Variants in IGSF11 observed in about 807,000 individuals in gnomAD.
IGSF11 encodes immunoglobulin superfamily member 11.
IGSF11 carries 22 observed loss-of-function variants against 41.0 expected under a neutral mutation model. That is an observed-to-expected ratio of 0.54 (90% CI 0.38 to 0.77). The LOEUF (loss-of-function observed/expected upper bound fraction) is 0.77, where lower values mean the gene tolerates loss of function less well. Among genes scored for constraint, IGSF11 ranks in the 30% least tolerant of loss-of-function variants. IGSF11 has a pLI of 0.00. For synonymous variants in IGSF11, 219 were observed against 201.3 expected, an observed-to-expected ratio of 1.09 and a Z score of -0.74; for missense variants, 444 against 530.8, an observed-to-expected ratio of 0.84 and a Z score of 1.61.
At chr3:118,983,526 A>G (rs1479212012) in intron 1 of IGSF11, 1 of 152,214 alleles carries the variant, frequency 6.6e-6, no homozygotes, top group Non-Finnish European at 1.5e-5. Flanking sequence ...ACTGAGATTA[A>G]AATGTAAGCA....
At chr3:119,017,915 T>A (rs1165271591) in intron 1 of IGSF11, among the ~76,000 whole-genome samples, 14 of 151,672 alleles carry the variant, frequency 9.2e-5, no homozygotes, top group Admixed American at 9.2e-4. Context: ...CCCTAGTACC[T>A]GGGATTACAG....
intron 1 of IGSF11, among the ~76,000 whole-genome samples, chr3:119,110,665 G>A (rs951353558): frequency 6.6e-6 from 1 of 152,196 alleles, no homozygotes; most frequent in African/African-American, 2.4e-5. Flanking sequence ...CTCATTAGTT[G>A]ATGCAGTTTC....
Position 119,034,715 on chromosome 3 carries a change from G to T in IGSF11, c.-133C>A. The T allele has an allele frequency of 7.2e-7, 1 of 1,382,872 alleles. No individual in the cohort carries two copies. Among genetic ancestry groups the T allele is most frequent in the Non-Finnish European group, 9.4e-7 (1 of 1,064,098 alleles). 85.7% of individuals were successfully genotyped at this position (1,382,872 alleles called of 1,614,324 possible). ...CCAGCGCCGGGCCGCTGTTCCCCGC[G>T]CAGAGCTGGGACTGTCAGACCCACA... is the stretch of plus-strand genomic sequence containing the variant. On this transcript the variant is annotated 5_prime_UTR_variant, in exon 1 of 7. Transcript: ENST00000393775.
intron 1 of IGSF11, among the ~76,000 whole-genome samples, chr3:119,007,708 T>G (rs1386977947): frequency 1.3e-5 from 2 of 152,168 alleles, no homozygotes; most frequent in Non-Finnish European, 2.9e-5. Context: ...TACCAAGATC[T>G]TGTTTGCTCA....
intron 2 of IGSF11, 103 bp from the exon 3 acceptor site, chr3:118,928,819 G>T: frequency 1.3e-6 from 1 of 783,458 alleles, no homozygotes; most frequent in Non-Finnish European, 2.0e-6. Flanking sequence ...CCAAACATTG[G>T]AAAATTTTAT....
At chr3:119,000,932 C>T (rs923380117) in intron 1 of IGSF11, among the ~76,000 whole-genome samples, 2 of 152,176 alleles carry the variant, frequency 1.3e-5, no homozygotes, top group African/African-American at 4.8e-5. Flanking sequence ...AAAATCCTCA[C>T]AAGGTTCTGT....
chr3:118,979,929 A>G (rs1280658593), intron 1 of IGSF11, among the ~76,000 whole-genome samples: 2 of 152,218 alleles, frequency 1.3e-5, no homozygotes, highest in African/African-American at 4.8e-5. Flanking sequence ...ATAACTAATC[A>G]TCAGGGAAAT....
intron 1 of IGSF11, among the ~76,000 whole-genome samples, chr3:119,016,691 C>A (rs992396725): frequency 1.1e-4 from 16 of 152,104 alleles, no homozygotes; most frequent in African/African-American, 3.6e-4. Context: ...CAAATTTAAC[C>A]CACGTTACTT....
At chr3:118,936,610 T>C (rs895107319) in intron 1 of IGSF11, among the ~76,000 whole-genome samples, 13 of 152,198 alleles carry the variant, frequency 8.5e-5, no homozygotes, top group Admixed American at 8.5e-4. Context: ...TTGAATCTTT[T>C]CTTTGTACTT....
intron 1 of IGSF11, among the ~76,000 whole-genome samples, chr3:119,022,831 A>G (rs1001218402): frequency 6.6e-6 from 1 of 152,206 alleles, no homozygotes; most frequent in Non-Finnish European, 1.5e-5. Context: ...AAAATGGGCC[A>G]TACCTACTAA....
chr3:119,126,775 A>G (rs1484958882), intron 1 of IGSF11, among the ~76,000 whole-genome samples: 1 of 152,166 alleles, frequency 6.6e-6, no homozygotes, highest in Non-Finnish European at 1.5e-5. Context: ...GCAGCCCTAA[A>G]GAAGAGGGAC....
At chr3:118,916,549 G>A (rs201680555) in intron 4 of IGSF11, among the ~76,000 whole-genome samples, 9 of 151,238 alleles carry the variant, frequency 6.0e-5, no homozygotes, top group Non-Finnish European at 1.0e-4. Context: ...TTCAACAAGA[G>A]GAGCTAACTA....
chr3:119,031,189 G>A (rs947358046), intron 1 of IGSF11, among the ~76,000 whole-genome samples: 5 of 152,050 alleles, frequency 3.3e-5, no homozygotes, highest in African/African-American at 7.2e-5. Context: ...CCCAGGAGTC[G>A]GGGATTGCAG....
intron 1 of IGSF11, among the ~76,000 whole-genome samples, chr3:119,018,968 T>C (rs1301917667): frequency 2.0e-5 from 3 of 152,226 alleles, no homozygotes; most frequent in Non-Finnish European, 4.4e-5. Context: ...CACATTCAGT[T>C]TACTGTGAGC....
chr3:119,131,241 A>G (rs2077477128), intron 1 of IGSF11, among the ~76,000 whole-genome samples: 1 of 152,234 alleles, frequency 6.6e-6, no homozygotes, highest in African/African-American at 2.4e-5. Context: ...AGATCAGTAA[A>G]TAACAAATTT....
chr3:118,903,012 T>A, intron 6 of IGSF11, 51 bp from the exon 7 acceptor site: 1 of 1,513,724 alleles, frequency 6.6e-7, no homozygotes, highest in South Asian at 1.2e-5. Flanking sequence ...AAGTTAATCC[T>A]ATCCTCCTAC....
At chr3:118,980,363 C>T (rs544434546) in intron 1 of IGSF11, among the ~76,000 whole-genome samples, 1 of 152,130 alleles carries the variant, frequency 6.6e-6, no homozygotes, top group Non-Finnish European at 1.5e-5. Context: ...GAAATCATGT[C>T]ATTTGTCACA....
intron 1 of IGSF11, among the ~76,000 whole-genome samples, chr3:119,120,071 C>A (rs1009600091): frequency 3.7e-4 from 57 of 152,202 alleles, no homozygotes; most frequent in Non-Finnish European, 1.3e-4. Flanking sequence ...CTCTGACTGA[C>A]CTTGAGGTCC....
At chr3:118,995,169 T>C (rs1936143732) in intron 1 of IGSF11, among the ~76,000 whole-genome samples, 1 of 152,204 alleles carries the variant, frequency 6.6e-6, no homozygotes, top group Admixed American at 6.5e-5. Flanking sequence ...TTTAGAAATA[T>C]CACCCTAGCC....
Sources: gnomAD v4.1 joint callset for allele counts (sites outside exome capture counted in the v4.1 genomes callset) on GRCh38, gnomAD v4.1.1 for gene constraint, MANE v1.5 for transcripts, NCBI Gene and HGNC (gene_info 2026-07-23, HGNC 2026-07-21) for gene names.